NACC2: variants seen among roughly 807,000 people sequenced by gnomAD.
The protein encoded by NACC2 is nucleus accumbens-associated protein 2.
NACC2 carries 8 observed loss-of-function variants against 25.1 expected under a neutral mutation model. That is an observed-to-expected ratio of 0.32 (90% CI 0.19 to 0.57). The LOEUF (loss-of-function observed/expected upper bound fraction) is 0.57. Among genes scored for constraint, NACC2 ranks in the 20% least tolerant of loss-of-function variants. The pLI is 0.89. For missense variants in NACC2, 644 were observed against 650.2 expected (o/e 0.99, Z 0.10); for synonymous variants, 435 against 294.7 (o/e 1.48, Z -4.88).
chr9:136,082,706 G>C (rs985277466), intron 1 of NACC2, among the ~76,000 whole-genome samples: 1 of 152,302 alleles, frequency 6.6e-6, no homozygotes, highest in East Asian at 1.9e-4. Context: ...CCCCAACAGG[G>C]GCGCAGCCCT....
At chr9:136,035,355 G>A (rs10858209) in intron 2 of NACC2, among the ~76,000 whole-genome samples, 19,510 of 151,966 alleles carry the variant, frequency 0.13, 1,763 homozygotes, top group East Asian at 0.35. Flanking sequence ...TTCCGCTGCT[G>A]TGAATTGCAG....
chr9:136,021,650 AG>A (rs778694384), intron 2 of NACC2, among the ~76,000 whole-genome samples: 3 of 152,222 alleles, frequency 2.0e-5, no homozygotes, highest in Non-Finnish European at 2.9e-5. Flanking sequence ...CAGCCTGCAC[AG>A]GAACGCTTAT....
Position 136,084,590 on chromosome 9 carries a change from G to A in NACC2, c.-60+10599C>T, listed in dbSNP as rs1051186972. On this transcript the variant is annotated intron_variant, in intron 1 of 5. Transcript: ENST00000277554. The surrounding 1 kb of genome is among the most constrained non-coding windows in gnomAD (Gnocchi z 5.1). ...CATGGAAAGGCCACAGAATACACCA[G>A]GCTGGAAGAGCCCAGAGACACAGCA... 5.9e-5 allele frequency among the ~76,000 whole-genome samples: 9 copies of A among 152,224 alleles called. No homozygotes were observed. The highest frequency in any genetic ancestry group is 2.2e-4 in the African/African-American group (9 of 41,454).
intron 2 of NACC2, among the ~76,000 whole-genome samples, chr9:136,034,575 G>A (rs1002326561): frequency 1.3e-4 from 20 of 151,818 alleles, no homozygotes; most frequent in African/African-American, 4.6e-4. Context: ...CCCACTACAG[G>A]AGAAATAACT....
At chr9:136,052,264 A>G (rs1840856628) in intron 1 of NACC2, among the ~76,000 whole-genome samples, 2 of 152,234 alleles carry the variant, frequency 1.3e-5, no homozygotes, top group South Asian at 2.1e-4. Flanking sequence ...GTGCCACGGC[A>G]ACTGAGACAG....
In NACC2 at chr9:136,050,583, G is replaced by A. The variant is rs902853060; in HGVS notation, c.-59-3C>T. 48 of 717,178 alleles carry A rather than the reference G, an allele frequency of 6.7e-5. No homozygotes were observed. The highest frequency in any genetic ancestry group is 1.1e-4 in the Non-Finnish European group (43 of 395,046). 44.4% of individuals were successfully genotyped at this position (717,178 alleles called of 1,614,324 possible). ...GGGGCGGCCCTAGCGGGGCTCATCT[G>A]TGGGGGGCAGGAGGCACGTGGTCAG... On this transcript the variant is annotated splice_polypyrimidine_tract_variant and splice_region_variant and intron_variant, in intron 1 of 5. Coordinates refer to ENST00000277554, the MANE Select transcript of NACC2 (RefSeq NM_144653.5).
Position 136,055,990 on chromosome 9 carries a change from G to A in NACC2, c.-59-5410C>T, listed in dbSNP as rs369624085. Among the ~76,000 whole-genome samples, 5 of 152,180 alleles carry A rather than the reference G, an allele frequency of 3.3e-5. No homozygotes were observed. The highest frequency in any genetic ancestry group is 7.4e-5 in the Non-Finnish European group (5 of 68,024). ...AATACAGTCTGGGGGCTGCTACCCC[G>A]TGGACCTTGCCCACCTCCGCGCAAC... On this transcript the variant is annotated intron_variant, in intron 1 of 5. Transcript: ENST00000277554. This position sits in a 1 kb window ranked among gnomAD's most constrained non-coding sequence, Gnocchi z 4.9.
chr9:136,025,590 T>C (rs933330422), intron 2 of NACC2, among the ~76,000 whole-genome samples: 4 of 147,062 alleles, frequency 2.7e-5, no homozygotes, highest in Non-Finnish European at 4.5e-5. Context: ...AAAACTAGAA[T>C]CAACAAAAGG....
At chr9:136,029,616 T>C (rs1166836718) in intron 2 of NACC2, among the ~76,000 whole-genome samples, 1 of 152,190 alleles carries the variant, frequency 6.6e-6, no homozygotes, top group Non-Finnish European at 1.5e-5. Context: ...GCCGGGGCTG[T>C]GACACCTTCT....
At chr9:136,085,210 T>C (rs564581043) in intron 1 of NACC2, among the ~76,000 whole-genome samples, 18 of 128,636 alleles carry the variant, frequency 1.4e-4, no homozygotes, top group African/African-American at 5.3e-4. Flanking sequence ...AGTGCAGTGG[T>C]GCCATCTCAG....
rs748580287 is a variant in NACC2 at position 136,081,247 on chromosome 9, T to C, written c.-60+13942A>G. 9.9e-5 allele frequency among the ~76,000 whole-genome samples: 15 copies of C among 152,204 alleles called. No homozygotes were observed. The Middle Eastern group carries it at 0.01, about 104-fold the overall frequency. ...AGGTGGACTCAGTCCCGACGGGCAC[T>C]GGGGGCTCCGCAGGACAGGGCAGGG... On this transcript the variant is annotated intron_variant, in intron 1 of 5. Transcript: ENST00000277554.
At chr9:136,017,278 G>A (rs1194266302) in intron 2 of NACC2, among the ~76,000 whole-genome samples, 1 of 152,122 alleles carries the variant, frequency 6.6e-6, no homozygotes, top group African/African-American at 2.4e-5. Flanking sequence ...GGGCCCCTCG[G>A]AGGCTCCTGG....
Position 136,007,738 on chromosome 9 carries a change from G to A in NACC2, c.*3778C>T, listed in dbSNP as rs983748047. 4.6e-5 allele frequency: 7 copies of A among 152,242 alleles called. No individual in the cohort carries two copies. The highest frequency in any genetic ancestry group is 1.7e-4 in the African/African-American group (7 of 41,446). The allele number at this position is 152,242 out of a possible 1,614,324, so 9.4% of individuals were successfully genotyped here. A position where few individuals can be genotyped will look rare whatever the true frequency, so the allele number is the denominator to read the frequency against. Reference sequence around the variant, plus strand: ...AGAGGGTTCTTGGAGTTTTCAGTTGGTTCATGGGCCATAGATCTTTTTCCA... The same window carrying A: ...AGAGGGTTCTTGGAGTTTTCAGTTGATTCATGGGCCATAGATCTTTTTCCA... On this transcript the variant is annotated 3_prime_UTR_variant, in exon 6 of 6. Coordinates refer to ENST00000277554, the MANE Select transcript of NACC2 (RefSeq NM_144653.5).
intron 1 of NACC2, among the ~76,000 whole-genome samples, chr9:136,079,906 G>GC (rs1202434305): frequency 3.3e-5 from 5 of 152,216 alleles, no homozygotes; most frequent in African/African-American, 1.2e-4. Flanking sequence ...CGCTAGCCCT[G>GC]CCACCTGTTC....
chr9:136,037,655 C>G (rs1190690593), intron 2 of NACC2, among the ~76,000 whole-genome samples: 1 of 151,894 alleles, frequency 6.6e-6, no homozygotes, highest in Non-Finnish European at 1.5e-5. Context: ...TTACAGGCAC[C>G]CGCCACCACA....
intron 1 of NACC2, among the ~76,000 whole-genome samples, chr9:136,063,107 C>G (rs1366207449): frequency 6.6e-6 from 1 of 152,178 alleles, no homozygotes; most frequent in Non-Finnish European, 1.5e-5. Flanking sequence ...GGGACTGTTT[C>G]TGTGTCTGGT....
chr9:136,051,194 G>A (rs1401279218), intron 1 of NACC2, among the ~76,000 whole-genome samples: 1 of 152,192 alleles, frequency 6.6e-6, no homozygotes, highest in Admixed American at 6.5e-5. Context: ...GGGGGTGCCG[G>A]GAAGTCCGCT....
At chr9:136,048,101 G>C (rs1393801851) in intron 2 of NACC2, among the ~76,000 whole-genome samples, 3 of 152,220 alleles carry the variant, frequency 2.0e-5, no homozygotes, top group Non-Finnish European at 4.4e-5. Flanking sequence ...GCAGGGCACT[G>C]TCTGGCTGCC....
At chr9:136,042,042 T>C (rs1007005386) in intron 2 of NACC2, among the ~76,000 whole-genome samples, 1 of 152,178 alleles carries the variant, frequency 6.6e-6, no homozygotes, top group African/African-American at 2.4e-5. Flanking sequence ...TGGCCCAGGC[T>C]GGAGTGCACG....
Sources: gnomAD v4.1 joint callset for allele counts (sites outside exome capture counted in the v4.1 genomes callset) on GRCh38, gnomAD v4.1.1 for gene constraint, Gnocchi (gnomAD v3.1) non-coding constraint, MANE v1.5 for transcripts, NCBI Gene and HGNC (gene_info 2026-07-23, HGNC 2026-07-21) for gene names.